The following NID2 variants were observed in gnomAD, a reference collection of about 807,000 sequenced individuals.
NID2 encodes nidogen 2.
A neutral mutation model predicts 145.4 loss-of-function variants in NID2; 83 were observed. The ratio of observed to expected loss-of-function variants is 0.57; its 90% CI spans 0.48 to 0.69. NID2 has a LOEUF of 0.69. NID2 is among the 30% of genes least tolerant of loss of function. The probability of loss-of-function intolerance (pLI) is 0.00; values close to 1 mark genes in which losing one functional copy is unlikely to be tolerated. For synonymous variants in NID2, 739 were observed against 701.3 expected (o/e 1.05, Z -0.85); for missense variants, 1,807 against 1,765.7 (o/e 1.02, Z -0.42).
intron 9 of NID2, among the ~76,000 whole-genome samples, chr14:52,034,058 T>C (rs182447502): frequency 6.6e-6 from 1 of 152,250 alleles, no homozygotes; most frequent in East Asian, 1.9e-4. Context: ...GGGGATTAAA[T>C]GAGTTAATTC....
chr14:52,014,236 C>T, intron 16 of NID2, 51 bp downstream of exon 16: 1 of 1,609,020 alleles, frequency 6.2e-7, no homozygotes, highest in Non-Finnish European at 8.5e-7. Flanking sequence ...GAGGTGGCTC[C>T]CACTGGGAAA....
At chr14:52,067,800 C>T (rs1357494469) in intron 2 of NID2, 58 bp downstream of exon 2, 6 of 1,592,042 alleles carry the variant, frequency 3.8e-6, no homozygotes, top group Non-Finnish European at 5.2e-6. Flanking sequence ...GGTCGCTGCC[C>T]CAGAATTTAA....
intron 11 of NID2, among the ~76,000 whole-genome samples, chr14:52,028,047 A>G (rs949970323): frequency 2.0e-5 from 3 of 152,230 alleles, no homozygotes; most frequent in African/African-American, 7.2e-5. Context: ...GACATGCATC[A>G]GTGAATTATA....
At chr14:52,035,730 A>ATGCGATGGC (rs1892037117) in intron 9 of NID2, among the ~76,000 whole-genome samples, 1 of 151,616 alleles carries the variant, frequency 6.6e-6, no homozygotes, top group Non-Finnish European at 1.5e-5. Flanking sequence ...ACAGGCTGGA[A>ATGCGATGGC]TGCGATGGCA....
chr14:52,012,615 T>C (rs1205407037), intron 16 of NID2, among the ~76,000 whole-genome samples: 1 of 152,018 alleles, frequency 6.6e-6, no homozygotes, highest in African/African-American at 2.4e-5. Flanking sequence ...AAGGAAAAAA[T>C]CTAATTTATT....
At chr14:52,032,355 A>G (rs1383453702) in intron 9 of NID2, among the ~76,000 whole-genome samples, 1 of 152,208 alleles carries the variant, frequency 6.6e-6, no homozygotes, top group Non-Finnish European at 1.5e-5. Context: ...TTTAAACCTG[A>G]TGAACTATGT....
chr14:52,053,604 T>G lies in NID2; in HGVS notation c.1404A>C (p.Glu468Asp), dbSNP rs781650582. The stretch of plus-strand genomic sequence containing the variant: ...CCTCGGTGTTGGAACCTATGTTGTC[T>G]TCCAGTCCCACCTCATACGTCCCTC... Reference protein sequence around the residue: ...LSRGTYEVGLEDNIGSNTEVF... With the variant: ...LSRGTYEVGLDDNIGSNTEVF... Residue 468 changes from glutamate (E) to aspartate (D), a missense_variant, in exon 5 of 22, where the codon GAA becomes GAC. Physicochemically the swap from Glu to Asp is conservative, Grantham distance 45 (BLOSUM62 2). Transcript: ENST00000216286. 1 of 1,613,996 alleles carries G rather than the reference T, an allele frequency of 6.2e-7. No individual in the cohort carries two copies. Among genetic ancestry groups the G allele is most frequent in the Non-Finnish European group, 8.5e-7 (1 of 1,179,964 alleles).
At chr14:52,048,143 G>T (rs1264058452) in intron 5 of NID2, among the ~76,000 whole-genome samples, 1 of 152,172 alleles carries the variant, frequency 6.6e-6, no homozygotes. Flanking sequence ...CTCCTGGGGT[G>T]GGCAGAATGT....
chr14:52,057,128 A>AC (rs1343702124), intron 3 of NID2, among the ~76,000 whole-genome samples: 1 of 151,950 alleles, frequency 6.6e-6, no homozygotes, highest in Non-Finnish European at 1.5e-5. Context: ...TGTAGCCTCA[A>AC]CCCCCTGGGC....
chr14:52,040,223 G>A (rs979335139), intron 8 of NID2, among the ~76,000 whole-genome samples: 2 of 151,788 alleles, frequency 1.3e-5, no homozygotes, highest in East Asian at 1.9e-4. Context: ...TTACAGGCAT[G>A]AGCCATTGCA....
chr14:52,014,933 T>C (rs906103982), intron 15 of NID2, 121 bp downstream of exon 15: 2 of 790,540 alleles, frequency 2.5e-6, no homozygotes, highest in South Asian at 1.7e-5. Context: ...ACATAGCACA[T>C]AGTGACTTCT....
Position 52,053,562 on chromosome 14 carries a change from T to C in NID2, c.1429+17A>G, listed in dbSNP as rs775114431. The stretch of plus-strand genomic sequence containing the variant: ...GTTAAGATGAAACCTTAGCACCCAG[T>C]TTTCTAATGCACTCACCCTCGGTGT... On this transcript the variant is annotated intron_variant, in intron 5 of 21. Coordinates refer to ENST00000216286, the MANE Select transcript of NID2 (RefSeq NM_007361.4). The C allele has an allele frequency of 1.9e-6, 3 of 1,598,008 alleles. No individual in the cohort carries two copies. The highest frequency in any genetic ancestry group is 2.2e-5 in the East Asian group (1 of 44,640).
chr14:52,038,919 T>C lies in NID2; in HGVS notation c.2085A>G (p.Thr695=), dbSNP rs1892175047. 1 of 1,614,138 alleles carries C rather than the reference T, an allele frequency of 6.2e-7. No homozygotes were observed. The highest frequency in any genetic ancestry group is 8.5e-7 in the Non-Finnish European group (1 of 1,180,020). Residue 695 remains threonine (T), a synonymous_variant, in exon 9 of 22, where the codon ACA becomes ACG. Transcript: ENST00000216286. ...YSLTFGAINQ[T]WSYRIHQNIT... is the part of the protein sequence containing the mutation. Reference sequence around the variant, plus strand: ...TGTTCTGGTGGATGCGGTAGGACCATGTTTGGTTGATTGCACCAAAAGTCA... The same window carrying C: ...TGTTCTGGTGGATGCGGTAGGACCACGTTTGGTTGATTGCACCAAAAGTCA...
At position 52,007,907 on chromosome 14, in the gene NID2, A is replaced by T. The variant is rs1052510124; in HGVS notation, c.3783T>A (p.Asp1261Glu). Reference sequence around the variant, plus strand: ...TGATCAGAATTCTTCTGTTTTCTCCATCTAAAGATGACGTTTCAATTTTAG... The same window carrying T: ...TGATCAGAATTCTTCTGTTTTCTCCTTCTAAAGATGACGTTTCAATTTTAG... Reference protein sequence around the residue: ...EAPKIETSSLDGENRRILINT... With the variant: ...EAPKIETSSLEGENRRILINT... The change falls in exon 19 of 22, where the codon GAT (aspartate) becomes GAA (glutamate). Residue 1261 changes from aspartate (D) to glutamate (E), a missense_variant. By Grantham distance (45) the Asp-to-Glu change is conservative. Coordinates refer to ENST00000216286, the MANE Select transcript of NID2 (RefSeq NM_007361.4). 6.2e-7 allele frequency: 1 copy of T among 1,613,934 alleles called. No homozygotes were observed. Among genetic ancestry groups the T allele is most frequent in the Non-Finnish European group, 8.5e-7 (1 of 1,179,846 alleles).
intron 13 of NID2, 52 bp downstream of exon 13, chr14:52,020,007 C>A: frequency 6.2e-7 from 1 of 1,602,254 alleles, no homozygotes; most frequent in South Asian, 1.1e-5. Context: ...AGAAAAATAT[C>A]CTTGAAGGAG....
At chr14:52,044,081 A>T (rs1179724978) in intron 5 of NID2, among the ~76,000 whole-genome samples, 3 of 152,128 alleles carry the variant, frequency 2.0e-5, no homozygotes, top group East Asian at 1.9e-4. Context: ...ACAGGAGGGG[A>T]GGAAGAAATC....
chr14:52,028,236 G>A (rs1257351245), intron 11 of NID2, among the ~76,000 whole-genome samples: 4 of 151,646 alleles, frequency 2.6e-5, no homozygotes, highest in African/African-American at 9.7e-5. Flanking sequence ...AAAATAAACA[G>A]GGCTGAAACT....
At chr14:52,015,354 C>A in intron 14 of NID2, 79 bp from the exon 15 acceptor site, 1 of 1,368,144 alleles carries the variant, frequency 7.3e-7, no homozygotes, top group East Asian at 2.4e-5. Flanking sequence ...AGCTCAAGAC[C>A]CCATGCCTGG....
At chr14:52,026,686 C>T (rs936553518) in intron 12 of NID2, among the ~76,000 whole-genome samples, 1 of 152,098 alleles carries the variant, frequency 6.6e-6, no homozygotes, top group Non-Finnish European at 1.5e-5. Context: ...TGGTTTGGTG[C>T]TTTTATAAAA....
Sources: gnomAD v4.1 joint callset for allele counts (sites outside exome capture counted in the v4.1 genomes callset) on GRCh38, gnomAD v4.1.1 for gene constraint, MANE v1.5 for transcripts, NCBI Gene and HGNC (gene_info 2026-07-23, HGNC 2026-07-21) for gene names.